MBNL1: variants seen among roughly 807,000 people sequenced by gnomAD.
MBNL1 encodes muscleblind-like protein 1.
A neutral mutation model predicts 42.2 loss-of-function variants in MBNL1; 8 were observed. The ratio of observed to expected loss-of-function variants is 0.19; its 90% CI spans 0.11 to 0.34. The LOEUF (loss-of-function observed/expected upper bound fraction) is 0.34, where lower values mean the gene tolerates loss of function less well. MBNL1 is among the 10% of genes least tolerant of loss of function. MBNL1 has a pLI of 1.00. For missense variants in MBNL1, 309 were observed against 495.3 expected (o/e 0.62, Z 3.57); for synonymous variants, 169 against 173.9 (o/e 0.97, Z 0.22).
intron 2 of MBNL1, among the ~76,000 whole-genome samples, chr3:152,381,992 T>C (rs2097196554): frequency 6.6e-6 from 1 of 152,094 alleles, no homozygotes; most frequent in Non-Finnish European, 1.5e-5. Flanking sequence ...AGTAGGTGTT[T>C]GGCGTCTTTC....
chr3:152,409,862 T>A (rs143558980), intron 2 of MBNL1, among the ~76,000 whole-genome samples: 2 of 152,282 alleles, frequency 1.3e-5, no homozygotes, highest in East Asian at 3.9e-4. Flanking sequence ...AGAAGAAATA[T>A]AATTAAAAAT....
upstream of MBNL1, chr3:152,264,390 G>A (rs1424730651): frequency 6.6e-6 from 1 of 151,988 alleles, no homozygotes; most frequent in African/African-American, 2.4e-5. Context: ...AATGAAAGAA[G>A]GAAGAAACAG....
At chr3:152,449,211 A>G (rs1433668185) in intron 6 of MBNL1, 1 of 152,232 alleles carries the variant, frequency 6.6e-6, no homozygotes, top group Non-Finnish European at 1.5e-5. Context: ...GAAGAAATTA[A>G]AACTTATTTT....
chr3:152,399,387 C>T (rs1482959649), intron 2 of MBNL1, among the ~76,000 whole-genome samples: 1 of 152,038 alleles, frequency 6.6e-6, no homozygotes, highest in African/African-American at 2.4e-5. Context: ...TCTGCTTTCT[C>T]TTTTGCATCT....
At chr3:152,319,614 G>GTTGT (rs1553815902) in intron 2 of MBNL1, among the ~76,000 whole-genome samples, 1 of 80,534 alleles carries the variant, frequency 1.2e-5, no homozygotes, top group Non-Finnish European at 2.3e-5. Flanking sequence ...GTTCTATACT[G>GTTGT]TTTTTTTTTT....
In MBNL1 at chr3:152,300,223, C is replaced by T; in HGVS notation, c.30C>T (p.Asp10=). 6.2e-7 allele frequency: 1 copy of T among 1,607,782 alleles called. No homozygotes were observed. Among genetic ancestry groups the T allele is most frequent in the Non-Finnish European group, 8.5e-7 (1 of 1,176,720 alleles). The change falls in exon 2 of 10, where the codon GAC becomes GAT. Residue 10 remains aspartate (D), a synonymous_variant. Coordinates refer to ENST00000324210, the MANE Select transcript of MBNL1 (RefSeq NM_021038.5). ...CTGTTAGTGTCACACCAATTCGGGA[C>T]ACAAAATGGCTAACACTGGAAGTAT... MAVSVTPIR[D]TKWLTLEVCR...
At chr3:152,348,849 A>G (rs963576413) in intron 2 of MBNL1, among the ~76,000 whole-genome samples, 4 of 152,094 alleles carry the variant, frequency 2.6e-5, no homozygotes, top group African/African-American at 9.7e-5. Context: ...TCCAAAGTGT[A>G]TTGAATGTCT....
At chr3:152,251,203 C>T (rs1242539888) in intron 2 of MBNL1, among the ~76,000 whole-genome samples, 2 of 152,036 alleles carry the variant, frequency 1.3e-5, no homozygotes, top group Non-Finnish European at 1.5e-5. Context: ...TTAAATATTT[C>T]CCCTCCAGTA....
chr3:152,265,387 AGT>A (rs10664067), upstream of MBNL1: 9,834 of 145,158 alleles, frequency 0.068, 359 homozygotes, highest in Non-Finnish European at 0.089. Flanking sequence ...TTTGTGTGAG[AGT>A]GTGTGTGTGT....
At position 152,432,823 on chromosome 3, in the gene MBNL1, C is replaced by T; in HGVS notation, c.452C>T (p.Pro151Leu). The T allele has an allele frequency of 1.2e-6, 2 of 1,614,160 alleles. No individual in the cohort carries two copies. Among genetic ancestry groups the T allele is most frequent in the Non-Finnish European group, 1.7e-6 (2 of 1,180,030 alleles). The change falls in exon 4 of 10, where the codon CCG (proline) becomes CTG (leucine). Residue 151 changes from proline (P) to leucine (L), a missense_variant. By Grantham distance (98) the Pro-to-Leu change is moderately conservative (BLOSUM62 -3). Transcript: ENST00000324210. ...AGCCTGGTCCCGGCAGAGATCTTGC[C>T]GACTGCACCAATGTTGGTTACAGGG... ...SPSLVPAEIL[P>L]TAPMLVTGNP...
intron 6 of MBNL1, among the ~76,000 whole-genome samples, chr3:152,453,115 ATTG>A (rs1450482325): frequency 6.6e-6 from 1 of 152,000 alleles, no homozygotes. Flanking sequence ...AATCCAACTG[ATTG>A]TTAACTTTTA....
At chr3:152,250,478 A>G (rs1309277229) in intron 2 of MBNL1, among the ~76,000 whole-genome samples, 1 of 152,116 alleles carries the variant, frequency 6.6e-6, no homozygotes, top group East Asian at 1.9e-4. Flanking sequence ...TTGTATCCTG[A>G]GACTTTGCTG....
intron 6 of MBNL1, among the ~76,000 whole-genome samples, chr3:152,453,555 C>T (rs1165015531): frequency 1.3e-5 from 2 of 152,080 alleles, no homozygotes; most frequent in Non-Finnish European, 2.9e-5. Context: ...GTAAATCAAC[C>T]CATGTAAAGA....
chr3:152,386,130 A>G (rs1441607459), intron 2 of MBNL1, among the ~76,000 whole-genome samples: 1 of 152,060 alleles, frequency 6.6e-6, no homozygotes, highest in Non-Finnish European at 1.5e-5. Context: ...AATCTAGAGT[A>G]CTTTGGGGAA....
chr3:152,396,987 GA>G (rs2097980395), intron 2 of MBNL1, among the ~76,000 whole-genome samples: 1 of 151,988 alleles, frequency 6.6e-6, no homozygotes, highest in South Asian at 2.1e-4. Flanking sequence ...ACAACAAAAG[GA>G]AAAAAGGACA....
chr3:152,331,687 A>G (rs1051655097), intron 2 of MBNL1, among the ~76,000 whole-genome samples: 2 of 152,024 alleles, frequency 1.3e-5, no homozygotes, highest in African/African-American at 4.8e-5. Flanking sequence ...ATTACTTCAA[A>G]TGTTATTGAT....
chr3:152,248,612 A>T, intron 2 of MBNL1, among the ~76,000 whole-genome samples: 1 of 151,848 alleles, frequency 6.6e-6, no homozygotes, highest in South Asian at 2.1e-4. Context: ...TTCAAATAAA[A>T]TTTTTTAAAA....
chr3:152,459,470 T>C (rs1043472215), intron 9 of MBNL1, 125 bp downstream of exon 9: 5 of 429,444 alleles, frequency 1.2e-5, no homozygotes, highest in Non-Finnish European at 2.1e-5. Context: ...ATTTTTATCT[T>C]AAATGGGTGT....
intron 2 of MBNL1, among the ~76,000 whole-genome samples, chr3:152,253,010 T>C (rs989149156): frequency 5.9e-5 from 9 of 152,150 alleles, no homozygotes; most frequent in Non-Finnish European, 1.3e-4. Context: ...ACTGTGGATC[T>C]TGTATAAGTT....
Sources: allele counts gnomAD v4.1 joint callset (sites outside exome capture counted in the v4.1 genomes callset), GRCh38; gene constraint gnomAD v4.1.1; transcripts MANE v1.5; gene names NCBI Gene and HGNC (gene_info 2026-07-23, HGNC 2026-07-21).